CLASP1: variants seen among roughly 807,000 people sequenced by gnomAD.
CLASP1 encodes cytoplasmic linker associated protein 1.
In CLASP1, 38 loss-of-function variants were observed where a neutral mutation model predicts 192.3. The ratio of observed to expected loss-of-function variants is 0.20; its 90% CI spans 0.15 to 0.26. The LOEUF is 0.26. Among genes scored for constraint, CLASP1 ranks in the 10% least tolerant of loss-of-function variants. The probability of loss-of-function intolerance (pLI) is 1.00; values close to 1 mark genes in which losing one functional copy is unlikely to be tolerated. For missense variants in CLASP1, 1,433 were observed against 1,932.5 expected (o/e 0.74, Z 4.85); for synonymous variants, 691 against 712.8 (o/e 0.97, Z 0.49).
exon 40 of CLASP1, chr2:121,339,507 C>G (rs2062612794): frequency 6.6e-6 from 1 of 152,170 alleles, no homozygotes; most frequent in African/African-American, 2.4e-5. Context: ...TTAAGAATTT[C>G]CATTTGGCTT....
At chr2:121,632,391 A>G (rs1281106115) in intron 1 of CLASP1, among the ~76,000 whole-genome samples, 1 of 152,242 alleles carries the variant, frequency 6.6e-6, no homozygotes, top group East Asian at 1.9e-4. Context: ...ATATATGTGC[A>G]AAAATAATAT....
At chr2:121,502,140 G>A (rs1311953981) in intron 8 of CLASP1, among the ~76,000 whole-genome samples, 1 of 152,000 alleles carries the variant, frequency 6.6e-6, no homozygotes, top group African/African-American at 2.4e-5. Context: ...ATAGTGAAAG[G>A]AATACAGGAA....
exon 17 of CLASP1, chr2:121,449,114 G>A (rs202067173): frequency 5.5e-4 from 890 of 1,613,596 alleles, no homozygotes; most frequent in Non-Finnish European, 5.1e-4. Context: ...GGAAACCCCA[G>A]TAACATCTAG....
At chr2:121,632,004 G>A (rs997131615) in intron 1 of CLASP1, among the ~76,000 whole-genome samples, 2 of 151,848 alleles carry the variant, frequency 1.3e-5, no homozygotes, top group East Asian at 3.9e-4. Context: ...CCGAGATCAC[G>A]CCACTGCACT....
intron 33 of CLASP1, among the ~76,000 whole-genome samples, chr2:121,379,099 G>C (rs1224910104): frequency 6.6e-6 from 1 of 151,822 alleles, no homozygotes; most frequent in African/African-American, 2.4e-5. Flanking sequence ...GTGCTGGTAG[G>C]TTCTAGAGCC....
intron 19 of CLASP1, among the ~76,000 whole-genome samples, chr2:121,441,808 CTATATAT>C (rs1396279647): frequency 1.3e-5 from 2 of 152,080 alleles, no homozygotes. Flanking sequence ...CCTTTTACTT[CTATATAT>C]AGACATGCAT....
At chr2:121,554,331 C>T (rs1416286350) in intron 2 of CLASP1, among the ~76,000 whole-genome samples, 1 of 151,992 alleles carries the variant, frequency 6.6e-6, no homozygotes, top group Admixed American at 6.6e-5. Context: ...ATCAGATAGG[C>T]TGGTTGAAGT....
chr2:121,631,787 C>T (rs1426068807), intron 1 of CLASP1, among the ~76,000 whole-genome samples: 1 of 151,962 alleles, frequency 6.6e-6, no homozygotes, highest in African/African-American at 2.4e-5. Flanking sequence ...TGGGTCACAC[C>T]TGTAATCCCA....
intron 8 of CLASP1, among the ~76,000 whole-genome samples, chr2:121,489,656 G>A (rs2093187615): frequency 1.3e-5 from 2 of 152,116 alleles, no homozygotes; most frequent in South Asian, 2.1e-4. Flanking sequence ...AAATCACTTC[G>A]ATATTGGCCA....
intron 2 of CLASP1, among the ~76,000 whole-genome samples, chr2:121,583,950 T>G (rs997887689): frequency 1.3e-5 from 2 of 152,068 alleles, no homozygotes; most frequent in African/African-American, 2.4e-5. Context: ...GACGCTTTTT[T>G]GCCCTTCCAC....
chr2:121,442,391 A>G (rs1390843739), intron 19 of CLASP1, among the ~76,000 whole-genome samples: 2 of 152,260 alleles, frequency 1.3e-5, no homozygotes, highest in Non-Finnish European at 2.9e-5. Flanking sequence ...TGATGTGGAC[A>G]ATGAATAACT....
chr2:121,409,296 T>C (rs1021415847), intron 24 of CLASP1, among the ~76,000 whole-genome samples: 3 of 152,220 alleles, frequency 2.0e-5, no homozygotes, highest in Non-Finnish European at 2.9e-5. Context: ...GCTAAAACTT[T>C]TCCCATATCG....
chr2:121,382,466 C>T (rs2071939930), intron 32 of CLASP1, 142 bp from the exon 34 acceptor site: 2 of 594,220 alleles, frequency 3.4e-6, no homozygotes, highest in East Asian at 6.1e-5. Flanking sequence ...GCAAAATTAG[C>T]ACTTCATCAT....
At chr2:121,516,021 G>A (rs6715373) in intron 6 of CLASP1, among the ~76,000 whole-genome samples, 38,347 of 151,996 alleles carry the variant, frequency 0.25, 7,707 homozygotes, top group African/African-American at 0.56. Flanking sequence ...AGTTCTTTCC[G>A]TTCTTTAAGG....
chr2:121,529,740 A>C (rs1358169521), intron 3 of CLASP1, among the ~76,000 whole-genome samples: 1 of 152,224 alleles, frequency 6.6e-6, no homozygotes, highest in East Asian at 1.9e-4. Flanking sequence ...AATCAAGGTG[A>C]AAATAGTCAT....
chr2:121,530,744 TG>T (rs1313025278), intron 2 of CLASP1: 5 of 524,172 alleles, frequency 9.5e-6, no homozygotes, highest in African/African-American at 9.5e-5. Context: ...AACAAAGAAT[TG>T]GGGTGTCGTC....
intron 32 of CLASP1, among the ~76,000 whole-genome samples, chr2:121,384,645 T>C (rs1415697272): frequency 1.3e-5 from 2 of 152,178 alleles, no homozygotes; most frequent in Non-Finnish European, 2.9e-5. Context: ...GGCTCATGCC[T>C]GTAATTCCAG....
intron 2 of CLASP1, among the ~76,000 whole-genome samples, chr2:121,604,097 T>A (rs1027697273): frequency 2.6e-5 from 4 of 152,174 alleles, no homozygotes; most frequent in African/African-American, 9.7e-5. Flanking sequence ...TGATAAACAT[T>A]TGAGATGATG....
intron 37 of CLASP1, among the ~76,000 whole-genome samples, chr2:121,361,485 G>A (rs147262232): frequency 6.6e-6 from 1 of 152,320 alleles, no homozygotes; most frequent in East Asian, 1.9e-4. Flanking sequence ...GCCAGTAACT[G>A]CTATGCATAC....
Sources: gnomAD v4.1 joint callset for allele counts (sites outside exome capture counted in the v4.1 genomes callset) on GRCh38, gnomAD v4.1.1 for gene constraint, MANE v1.5 for transcripts, NCBI Gene and HGNC (gene_info 2026-07-23, HGNC 2026-07-21) for gene names.